C1QTNF3: variants seen among roughly 807,000 people sequenced by gnomAD.
C1QTNF3 encodes C1q and TNF related 3.
Under a neutral mutation model 32.6 loss-of-function variants are expected in C1QTNF3, and 26 were observed. That is an observed-to-expected ratio of 0.80 (90% CI 0.58 to 1.11). The LOEUF is 1.11. C1QTNF3 is among the 50% of genes least tolerant of loss of function. The probability of loss-of-function intolerance (pLI) is 0.00; values close to 1 mark genes in which losing one functional copy is unlikely to be tolerated. For missense variants in C1QTNF3, 362 were observed against 398.2 expected, an observed-to-expected ratio of 0.91 and a Z score of 0.77; for synonymous variants, 155 against 146.0, an observed-to-expected ratio of 1.06 and a Z score of -0.44.
chr5:34,178,308 C>G, the C1QTNF3 span, among the ~76,000 whole-genome samples: 1 of 152,080 alleles, frequency 6.6e-6, no homozygotes, highest in Non-Finnish European at 1.5e-5. Context: ...AGCTGGTTAC[C>G]TTTTCAAAGA....
chr5:34,124,494 C>T, the C1QTNF3 span: 1 of 714,520 alleles, frequency 1.4e-6, no homozygotes, highest in Non-Finnish European at 2.6e-6. Context: ...ACGATGAGAC[C>T]AGGAGCAAGA....
the C1QTNF3 span, among the ~76,000 whole-genome samples, chr5:34,176,782 C>T: frequency 4.6e-5 from 7 of 151,772 alleles, no homozygotes; most frequent in South Asian, 8.3e-4. Flanking sequence ...GCTTCAGTCC[C>T]GGAGGTCAAA....
At chr5:34,036,068 A>G (rs190034320) in intron 1 of C1QTNF3, among the ~76,000 whole-genome samples, 1 of 152,318 alleles carries the variant, frequency 6.6e-6, no homozygotes, top group East Asian at 1.9e-4. Flanking sequence ...TGTAACAGCA[A>G]AGGAAGAAAC....
the C1QTNF3 span, among the ~76,000 whole-genome samples, chr5:34,144,128 T>C: frequency 6.6e-6 from 1 of 151,968 alleles, no homozygotes; most frequent in East Asian, 1.9e-4. Context: ...TCACTATTCT[T>C]GTATCAGATA....
chr5:34,208,016 A>T, the C1QTNF3 span, among the ~76,000 whole-genome samples: 1 of 152,034 alleles, frequency 6.6e-6, no homozygotes, highest in Non-Finnish European at 1.5e-5. Context: ...GGTCTCAATC[A>T]CCTGACCTCG....
At chr5:34,116,735 C>G in the C1QTNF3 span, among the ~76,000 whole-genome samples, 1 of 151,616 alleles carries the variant, frequency 6.6e-6, no homozygotes, top group African/African-American at 2.4e-5. Context: ...GCTGGGATTA[C>G]AAGCGCCTGA....
chr5:34,102,293 A>C, the C1QTNF3 span, among the ~76,000 whole-genome samples: 1 of 152,290 alleles, frequency 6.6e-6, no homozygotes, highest in African/African-American at 2.4e-5. Context: ...GTTTACACAC[A>C]TAAGTTTTTT....
the C1QTNF3 span, among the ~76,000 whole-genome samples, chr5:34,177,659 G>A: frequency 6.6e-6 from 1 of 151,598 alleles, no homozygotes; most frequent in Non-Finnish European, 1.5e-5. Context: ...GCTAATTTCT[G>A]TGTTTTCTTA....
At chr5:34,163,275 C>T in the C1QTNF3 span, among the ~76,000 whole-genome samples, 2 of 151,910 alleles carry the variant, frequency 1.3e-5, no homozygotes, top group African/African-American at 2.4e-5. Flanking sequence ...TACAACAACC[C>T]CCCCATGACA....
chr5:34,222,153 AT>A, the C1QTNF3 span, among the ~76,000 whole-genome samples: 1 of 152,036 alleles, frequency 6.6e-6, no homozygotes, highest in East Asian at 1.9e-4. Flanking sequence ...AAAATCAGAT[AT>A]TAGGGGAAAA....
At chr5:34,061,831 C>T in the C1QTNF3 span, among the ~76,000 whole-genome samples, 1 of 152,320 alleles carries the variant, frequency 6.6e-6, no homozygotes, top group South Asian at 2.1e-4. Flanking sequence ...CTCCAACATG[C>T]CCTGGAGACA....
At chr5:34,145,672 A>G in the C1QTNF3 span, among the ~76,000 whole-genome samples, 1 of 132,708 alleles carries the variant, frequency 7.5e-6, no homozygotes, top group Non-Finnish European at 1.6e-5. Flanking sequence ...TCTGGCAGAG[A>G]CACAGCAAAA....
chr5:34,035,738 T>C lies in C1QTNF3; in HGVS notation c.324A>G (p.Leu108=), dbSNP rs150297426. ...FWGQSPQTGG[L]PPDCSKCCHG... is the part of the protein sequence containing the mutation. ...GACAACACTTACTGCAGTCTGGGGG[T>C]AGTCCTCCGGTTTGTGGAGACTAAA... is the stretch of plus-strand genomic sequence containing the variant. Residue 108 remains leucine (L), a synonymous_variant, in exon 2 of 6, where the codon CTA becomes CTG. Coordinates refer to ENST00000382065, the MANE Select transcript of C1QTNF3 (RefSeq NM_181435.6). 3 of 1,612,970 alleles carry C rather than the reference T, an allele frequency of 1.9e-6. No homozygotes were observed. Among genetic ancestry groups the C allele is most frequent in the Non-Finnish European group, 2.5e-6 (3 of 1,179,668 alleles).
chr5:34,233,106 G>T, the C1QTNF3 span, among the ~76,000 whole-genome samples: 2 of 151,314 alleles, frequency 1.3e-5, no homozygotes, highest in African/African-American at 4.9e-5. Context: ...TCCTTCCACA[G>T]TGCCAGCTAA....
At chr5:34,195,779 G>A in the C1QTNF3 span, among the ~76,000 whole-genome samples, 1 of 152,126 alleles carries the variant, frequency 6.6e-6, no homozygotes, top group Non-Finnish European at 1.5e-5. Context: ...GGCGGAGCTT[G>A]TAGAGAGCCG....
the C1QTNF3 span, among the ~76,000 whole-genome samples, chr5:34,228,692 C>G: frequency 6.6e-6 from 1 of 152,002 alleles, no homozygotes; most frequent in East Asian, 1.9e-4. Flanking sequence ...TATCTGCAAA[C>G]CAAGATCCAC....
rs962831913 is a variant in C1QTNF3, at chr5:34,029,804, G to A, written c.571-921C>T. ...ATACTAATTTTAAAGCTATAGGATT[G>A]TATTTATTTATATGAACAGACATTT... On this transcript the variant is annotated intron_variant, in intron 3 of 5. Coordinates refer to ENST00000382065, the MANE Select transcript of C1QTNF3 (RefSeq NM_181435.6). Among the ~76,000 whole-genome samples, 3 of 152,088 alleles carry A rather than the reference G, an allele frequency of 2.0e-5. No homozygotes were observed. The East Asian group carries it at 5.8e-4, about 29-fold the overall frequency.
At chr5:34,144,813 C>A in the C1QTNF3 span, among the ~76,000 whole-genome samples, 1 of 152,070 alleles carries the variant, frequency 6.6e-6, no homozygotes, top group Non-Finnish European at 1.5e-5. Context: ...GGCCTAAACA[C>A]CTTCATCAAG....
the C1QTNF3 span, among the ~76,000 whole-genome samples, chr5:34,172,922 T>A: frequency 6.6e-6 from 1 of 152,220 alleles, no homozygotes; most frequent in South Asian, 2.1e-4. Flanking sequence ...AAAGCATTCT[T>A]GTATATCGAG....
Sources: allele counts gnomAD v4.1 joint callset (sites outside exome capture counted in the v4.1 genomes callset), GRCh38; gene constraint gnomAD v4.1.1; transcripts MANE v1.5; gene names NCBI Gene and HGNC (gene_info 2026-07-23, HGNC 2026-07-21).